SEMA3C: variants seen among roughly 807,000 people sequenced by gnomAD.
SEMA3C encodes semaphorin 3C.
In SEMA3C, 47 loss-of-function variants were observed where a neutral mutation model predicts 89.4. That is an observed-to-expected ratio of 0.53 (90% CI 0.42 to 0.67). The LOEUF (loss-of-function observed/expected upper bound fraction) is 0.67. Among genes scored for constraint, SEMA3C ranks in the 30% least tolerant of loss-of-function variants. SEMA3C has a pLI of 0.00. For synonymous variants in SEMA3C, 310 were observed against 320.2 expected (o/e 0.97, Z 0.34); for missense variants, 839 against 929.1 (o/e 0.90, Z 1.26).
At chr7:80,867,570 G>A (rs1004274540) in intron 2 of SEMA3C, among the ~76,000 whole-genome samples, 3 of 152,148 alleles carry the variant, frequency 2.0e-5, no homozygotes, top group African/African-American at 7.2e-5. Context: ...TCTTGTCCTA[G>A]ATGCTCAGTG....
intron 12 of SEMA3C, among the ~76,000 whole-genome samples, chr7:80,775,387 T>C (rs1357498244): frequency 6.6e-6 from 1 of 152,054 alleles, no homozygotes; most frequent in Non-Finnish European, 1.5e-5. Flanking sequence ...TCTGAAAATC[T>C]TAGTGACAGA....
At chr7:80,835,183 T>C (rs10281959) in intron 2 of SEMA3C, among the ~76,000 whole-genome samples, 97,531 of 151,966 alleles carry the variant, frequency 0.64, 31,590 homozygotes, top group Middle Eastern at 0.78. Context: ...CTCATGAATT[T>C]AAAATTCATG....
intron 2 of SEMA3C, among the ~76,000 whole-genome samples, chr7:80,904,478 A>C (rs1791959410): frequency 6.6e-6 from 1 of 152,206 alleles, no homozygotes; most frequent in African/African-American, 2.4e-5. Context: ...GAGTAAGTGA[A>C]GGGTATTTGT....
chr7:80,808,869 G>A (rs555941841), intron 6 of SEMA3C, among the ~76,000 whole-genome samples: 1 of 152,236 alleles, frequency 6.6e-6, no homozygotes, highest in Admixed American at 6.5e-5. Flanking sequence ...CTGCCTCCCA[G>A]GTTCAAGTGA....
intron 4 of SEMA3C, among the ~76,000 whole-genome samples, chr7:80,823,664 G>T (rs1789805753): frequency 6.6e-6 from 1 of 152,002 alleles, no homozygotes; most frequent in Middle Eastern, 3.2e-3. Context: ...CACAGAAATA[G>T]GGAAACTGAT....
intron 4 of SEMA3C, 48 bp from the exon 5 acceptor site, chr7:80,818,466 G>T (rs999508777): frequency 6.3e-7 from 1 of 1,580,212 alleles, no homozygotes; most frequent in Admixed American, 1.7e-5. Context: ...GACTTTCATT[G>T]TTATTTCAGT....
intron 8 of SEMA3C, among the ~76,000 whole-genome samples, chr7:80,803,184 T>A (rs1174758298): frequency 6.6e-6 from 1 of 152,202 alleles, no homozygotes; most frequent in African/African-American, 2.4e-5. Flanking sequence ...GGAGAGTGAT[T>A]ATATCTTTAC....
At chr7:80,840,848 G>C (rs17228306) in intron 2 of SEMA3C, among the ~76,000 whole-genome samples, 1 of 152,230 alleles carries the variant, frequency 6.6e-6, no homozygotes, top group East Asian at 1.9e-4. Flanking sequence ...GTAAAAGGGA[G>C]GGTAAGTGTT....
chr7:80,780,177 T>C (rs1002232270), intron 12 of SEMA3C, among the ~76,000 whole-genome samples: 25 of 152,174 alleles, frequency 1.6e-4, no homozygotes, highest in Non-Finnish European at 2.8e-4. Context: ...ATCTCAAATA[T>C]GTATCAGGCA....
intron 2 of SEMA3C, among the ~76,000 whole-genome samples, chr7:80,848,873 T>C (rs1442763044): frequency 1.3e-5 from 2 of 152,192 alleles, no homozygotes; most frequent in Non-Finnish European, 2.9e-5. Context: ...GTTTTATTCA[T>C]GGTGATTTTG....
chr7:80,848,004 A>G (rs1170331731), intron 2 of SEMA3C, among the ~76,000 whole-genome samples: 1 of 152,218 alleles, frequency 6.6e-6, no homozygotes, highest in Admixed American at 6.5e-5. Flanking sequence ...GAATGCTTTC[A>G]GATTTTACGT....
chr7:80,798,039 T>C, intron 11 of SEMA3C, 53 bp downstream of exon 11: 1 of 1,529,832 alleles, frequency 6.5e-7, no homozygotes, highest in Non-Finnish European at 8.8e-7. Context: ...TCATTACCTG[T>C]TAAATGAGTT....
intron 2 of SEMA3C, among the ~76,000 whole-genome samples, chr7:80,855,204 ATTAC>A (rs899471734): frequency 6.6e-6 from 1 of 152,184 alleles, no homozygotes; most frequent in Admixed American, 6.5e-5. Flanking sequence ...GCTAGCAGTA[ATTAC>A]TTCAGGACAA....
chr7:80,863,041 C>T (rs60839105), intron 2 of SEMA3C, among the ~76,000 whole-genome samples: 2,596 of 152,028 alleles, frequency 0.017, 83 homozygotes, highest in African/African-American at 0.06. Flanking sequence ...AATTTCATGA[C>T]CCAGAACCCA....
rs146093736 is a variant in SEMA3C at position 80,798,862 on chromosome 7, T to A, written c.987-626A>T. ...TCTTTAGTAAGAAATATTTCCATTG[T>A]CCTATGGCAGGTTGGCTGAAATCAG... is the stretch of plus-strand genomic sequence containing the variant. On this transcript the variant is annotated intron_variant, in intron 10 of 17. Coordinates refer to ENST00000265361, the MANE Select transcript of SEMA3C (RefSeq NM_006379.5). Among the ~76,000 whole-genome samples the A allele has an allele frequency of 1.1e-3, 165 of 152,322 alleles. 1 individual carries two copies. Among genetic ancestry groups the A allele is most frequent in the African/African-American group, 3.9e-3 (161 of 41,582 alleles).
chr7:80,900,626 G>T (rs1473906938), intron 2 of SEMA3C, among the ~76,000 whole-genome samples: 3 of 152,184 alleles, frequency 2.0e-5, no homozygotes, highest in Non-Finnish European at 4.4e-5. Flanking sequence ...CAGCTCCTGA[G>T]CCTGACCTAG....
chr7:80,855,561 G>A (rs529330630), intron 2 of SEMA3C, among the ~76,000 whole-genome samples: 3 of 152,122 alleles, frequency 2.0e-5, no homozygotes, highest in East Asian at 3.9e-4. Context: ...AAACCACTAC[G>A]TCTGGCCCCA....
intron 4 of SEMA3C, 50 bp downstream of exon 4, chr7:80,827,375 C>T: frequency 6.8e-7 from 1 of 1,459,968 alleles, no homozygotes; most frequent in African/African-American, 1.5e-5. Flanking sequence ...ATTCGAAAAC[C>T]AAATATTTAA....
intron 2 of SEMA3C, among the ~76,000 whole-genome samples, chr7:80,876,882 C>T (rs1791215415): frequency 6.6e-6 from 1 of 152,172 alleles, no homozygotes; most frequent in South Asian, 2.1e-4. Flanking sequence ...TCCCAAACCT[C>T]TCCTTTCTCT....
Sources: allele counts gnomAD v4.1 joint callset (sites outside exome capture counted in the v4.1 genomes callset), GRCh38; gene constraint gnomAD v4.1.1; transcripts MANE v1.5; gene names NCBI Gene and HGNC (gene_info 2026-07-23, HGNC 2026-07-21).